Variants in ITPR1 observed in about 807,000 individuals in gnomAD.
ITPR1 encodes inositol 1,4,5-trisphosphate-gated calcium channel ITPR1.
A neutral mutation model predicts 318.4 loss-of-function variants in ITPR1; 96 were observed. The ratio of observed to expected loss-of-function variants is 0.30; its 90% CI spans 0.26 to 0.36. The LOEUF (loss-of-function observed/expected upper bound fraction) is 0.36, where lower values mean the gene tolerates loss of function less well. ITPR1 is among the 10% of genes least tolerant of loss of function. The pLI is 1.00. For synonymous variants in ITPR1, 1,312 were observed against 1,289.9 expected (o/e 1.02, Z -0.37); for missense variants, 2,440 against 3,460.2 (o/e 0.71, Z 7.40).
rs548628741 is a variant in ITPR1, at chr3:4,538,579, C to G, written c.163+17485C>G. 1.5e-4 allele frequency among the ~76,000 whole-genome samples: 23 copies of G among 152,234 alleles called. 1 individual carries two copies. In the South Asian group the frequency reaches 4.8e-3, roughly 32 times the overall value. ...CCAAGGGAATATAAATCATTCTGTT[C>G]TAAAGATACATGCACATGTATGTTC... On this transcript the variant is annotated intron_variant, in intron 4 of 61. Coordinates refer to ENST00000649015, the MANE Select transcript of ITPR1 (RefSeq NM_001378452.1).
chr3:4,543,939 C>G (rs982388853), intron 4 of ITPR1, among the ~76,000 whole-genome samples: 1 of 152,214 alleles, frequency 6.6e-6, no homozygotes, highest in Admixed American at 6.5e-5. Flanking sequence ...CCACCATGTT[C>G]TTGTCACTTC....
intron 37 of ITPR1, among the ~76,000 whole-genome samples, chr3:4,707,852 A>G (rs1460182547): frequency 6.6e-6 from 1 of 152,220 alleles, no homozygotes; most frequent in African/African-American, 2.4e-5. Context: ...ACTTGAAGAC[A>G]GATGAATTCG....
At chr3:4,602,095 G>GA (rs553415967) in intron 4 of ITPR1, among the ~76,000 whole-genome samples, 60 of 152,178 alleles carry the variant, frequency 3.9e-4, no homozygotes, top group Non-Finnish European at 7.4e-4. Context: ...TGGCAGGATT[G>GA]AAAATGACAC....
intron 5 of ITPR1, among the ~76,000 whole-genome samples, chr3:4,632,817 A>C (rs1230430288): frequency 6.6e-6 from 1 of 152,176 alleles, no homozygotes; most frequent in Non-Finnish European, 1.5e-5. Context: ...TCCTTATTAA[A>C]AAGAAAAAAG....
intron 5 of ITPR1, among the ~76,000 whole-genome samples, 195 bp from the exon 6 acceptor site, chr3:4,639,189 G>A (rs965021565): frequency 6.6e-6 from 1 of 152,098 alleles, no homozygotes; most frequent in African/African-American, 2.4e-5. Flanking sequence ...AGGCAAAAAG[G>A]CCAGCCAAGC....
At chr3:4,749,272 G>A (rs543082441) in intron 44 of ITPR1, 29 of 152,296 alleles carry the variant, frequency 1.9e-4, no homozygotes, top group African/African-American at 4.3e-4. Context: ...CACCTTTTCA[G>A]TTGCTCACAT....
chr3:4,788,999 G>A (rs942265285), intron 52 of ITPR1, among the ~76,000 whole-genome samples: 6 of 152,140 alleles, frequency 3.9e-5, no homozygotes, highest in Admixed American at 2.6e-4. Flanking sequence ...GAGCAGGCAC[G>A]GACCAGTGCT....
In ITPR1 at chr3:4,611,430, C is replaced by G. The variant is rs1008790495; in HGVS notation, c.164-16333C>G. Among the ~76,000 whole-genome samples, 14 of 151,666 alleles carry G rather than the reference C, an allele frequency of 9.2e-5. 1 individual carries two copies. The East Asian group carries it at 2.5e-3, about 27-fold the overall frequency. On this transcript the variant is annotated intron_variant, in intron 4 of 61. Coordinates refer to ENST00000649015, the MANE Select transcript of ITPR1 (RefSeq NM_001378452.1). ...GAGAATTTAGCTGGGCATGGTGGCA[C>G]GCACCTGTAATCCTAGCTACTTGGG...
chr3:4,588,275 C>T (rs2090090306), intron 4 of ITPR1, among the ~76,000 whole-genome samples: 1 of 152,124 alleles, frequency 6.6e-6, no homozygotes, highest in Admixed American at 6.5e-5. Flanking sequence ...CTAGCTATTA[C>T]CAGAATGCTC....
intron 4 of ITPR1, among the ~76,000 whole-genome samples, chr3:4,571,003 T>G (rs2087918002): frequency 6.6e-6 from 1 of 152,198 alleles, no homozygotes; most frequent in South Asian, 2.1e-4. Flanking sequence ...ACTGAATGAC[T>G]TGGCTCTGCT....
chr3:4,681,656 T>TGTCC (rs2094304276), intron 26 of ITPR1, among the ~76,000 whole-genome samples: 1 of 151,440 alleles, frequency 6.6e-6, no homozygotes, highest in African/African-American at 2.4e-5. Flanking sequence ...TGTGTGTGTG[T>TGTCC]GTCCCACCTA....
At chr3:4,747,934 T>C (rs1204092101) in intron 44 of ITPR1, among the ~76,000 whole-genome samples, 1 of 152,254 alleles carries the variant, frequency 6.6e-6, no homozygotes, top group East Asian at 1.9e-4. Flanking sequence ...TTTGCCCGTT[T>C]TGCTCAGAGA....
At chr3:4,764,897 C>T (rs1220286761) in intron 44 of ITPR1, among the ~76,000 whole-genome samples, 2 of 151,944 alleles carry the variant, frequency 1.3e-5, no homozygotes, top group Non-Finnish European at 2.9e-5. Flanking sequence ...TCTCTTATAA[C>T]TGACATAGTG....
chr3:4,555,408 G>A lies in ITPR1; in HGVS notation c.163+34314G>A, dbSNP rs190090628. On this transcript the variant is annotated intron_variant, in intron 4 of 61. Coordinates refer to ENST00000649015, the MANE Select transcript of ITPR1 (RefSeq NM_001378452.1). ...CCTATTCATTTGAAGGCATATAGGC[G>A]TATATTAAAACATACATTTTTATGA... is the stretch of plus-strand genomic sequence containing the variant. Among the ~76,000 whole-genome samples the A allele has an allele frequency of 2.6e-3, 398 of 152,248 alleles. 7 individuals carry two copies. Among genetic ancestry groups the A allele is most frequent in the Admixed American group, 0.024 (369 of 15,298 alleles).
chr3:4,732,973 T>A, intron 42 of ITPR1, 115 bp from the exon 43 acceptor site: 1 of 1,007,818 alleles, frequency 9.9e-7, no homozygotes, highest in East Asian at 2.6e-5. Context: ...AATTTATTCT[T>A]TCGCCAAGTG....
intron 4 of ITPR1, among the ~76,000 whole-genome samples, chr3:4,575,516 T>C (rs538203622): frequency 2.4e-4 from 36 of 152,312 alleles, no homozygotes; most frequent in Admixed American, 8.5e-4. Context: ...CCTGTCTCAC[T>C]GTTGGCATGG....
intron 18 of ITPR1, among the ~76,000 whole-genome samples, chr3:4,668,741 C>T (rs1480859114): frequency 1.3e-5 from 2 of 152,224 alleles, no homozygotes; most frequent in Non-Finnish European, 2.9e-5. Flanking sequence ...GCTGGGATTA[C>T]AGGCGTGAGC....
At position 4,831,411 on chromosome 3, in the gene ITPR1, G is replaced by A. The variant is rs138400517; in HGVS notation, c.8029-5363G>A. 333 of 176,280 alleles carry A rather than the reference G, an allele frequency of 1.9e-3. 1 individual carries two copies. The highest frequency in any genetic ancestry group is 7.1e-3 in the African/African-American group (303 of 42,810). The allele number at this position is 176,280 out of a possible 1,614,324, so 10.9% of individuals were successfully genotyped here. A position where few individuals can be genotyped will look rare whatever the true frequency, so the allele number is the denominator to read the frequency against. On this transcript the variant is annotated intron_variant, in intron 60 of 61. Transcript: ENST00000649015. Reference sequence around the variant, plus strand: ...GTACTGGCTGGATTGTAGGAGGACCGGGGCAGACAGTGCCTAATGACATCG... The same window carrying A: ...GTACTGGCTGGATTGTAGGAGGACCAGGGCAGACAGTGCCTAATGACATCG...
Position 4,639,556 on chromosome 3 carries a change from A to G in ITPR1, c.366+86A>G, listed in dbSNP as rs866385129. On this transcript the variant is annotated intron_variant, in intron 6 of 61. Coordinates refer to ENST00000649015, the MANE Select transcript of ITPR1 (RefSeq NM_001378452.1). Reference sequence around the variant, plus strand: ...AACAAACACCTAAGACAGGGTTTGGACACCTTTACAGCAGGACTCCATGGA... The same window carrying G: ...AACAAACACCTAAGACAGGGTTTGGGCACCTTTACAGCAGGACTCCATGGA... 194 of 979,972 alleles carry G rather than the reference A, an allele frequency of 2.0e-4. 1 individual carries two copies. The highest frequency in any genetic ancestry group is 1.6e-3 in the Middle Eastern group (7 of 4,326). 60.7% of individuals were successfully genotyped at this position (979,972 alleles called of 1,614,324 possible). A position where few individuals can be genotyped will look rare whatever the true frequency, so the allele number is the denominator to read the frequency against.
Sources: allele counts gnomAD v4.1 joint callset (sites outside exome capture counted in the v4.1 genomes callset), GRCh38; gene constraint gnomAD v4.1.1; transcripts MANE v1.5; gene names NCBI Gene and HGNC (gene_info 2026-07-23, HGNC 2026-07-21).